The following PARD3B variants were observed in gnomAD, a reference collection of about 807,000 sequenced individuals.
The protein encoded by PARD3B is par-3 family cell polarity regulator beta.
A neutral mutation model predicts 130.2 loss-of-function variants in PARD3B; 103 were observed. The ratio of observed to expected loss-of-function variants is 0.79; its 90% CI spans 0.67 to 0.93. The LOEUF (loss-of-function observed/expected upper bound fraction) is 0.93. PARD3B is among the 40% of genes least tolerant of loss of function. PARD3B has a pLI of 0.00. For missense variants in PARD3B, 1,609 were observed against 1,499.2 expected, an observed-to-expected ratio of 1.07 and a Z score of -1.21; for synonymous variants, 583 against 553.2, an observed-to-expected ratio of 1.05 and a Z score of -0.76.
At chr2:205,344,069 T>C (rs766532443) in intron 18 of PARD3B, among the ~76,000 whole-genome samples, 2 of 152,076 alleles carry the variant, frequency 1.3e-5, no homozygotes, top group Non-Finnish European at 2.9e-5. Flanking sequence ...CTTAAGAAAT[T>C]AGAGCTTCCA....
intron 20 of PARD3B, among the ~76,000 whole-genome samples, chr2:205,442,104 C>T (rs1422893808): frequency 1.3e-5 from 2 of 152,126 alleles, no homozygotes; most frequent in Non-Finnish European, 2.9e-5. Context: ...TAACAATCCT[C>T]TCTGCGTATT....
intron 10 of PARD3B, among the ~76,000 whole-genome samples, chr2:205,132,022 G>A (rs576356188): frequency 6.6e-6 from 1 of 152,136 alleles, no homozygotes; most frequent in African/African-American, 2.4e-5. Context: ...TGTAACACAG[G>A]GACTAGACTA....
In PARD3B at chr2:205,300,077, C is replaced by T. The variant is rs2041940688; in HGVS notation, c.2186-453C>T. ...GCTGTCAGGTGTGGGAGTGCTAGGA[C>T]GATACTGGAAGAGAAGCTCTCGTCA... is the stretch of plus-strand genomic sequence containing the variant. On this transcript the variant is annotated intron_variant, in intron 16 of 22. Transcript: ENST00000406610. This position sits in a 1 kb window ranked among gnomAD's most constrained non-coding sequence, Gnocchi z 4.1. Among the ~76,000 whole-genome samples, 1 of 152,066 alleles carries T rather than the reference C, an allele frequency of 6.6e-6. No individual in the cohort carries two copies. Among genetic ancestry groups the T allele is most frequent in the African/African-American group, 2.4e-5 (1 of 41,402 alleles).
chr2:204,796,274 C>T (rs2042373225), intron 2 of PARD3B, among the ~76,000 whole-genome samples: 1 of 152,148 alleles, frequency 6.6e-6, no homozygotes, highest in Admixed American at 6.6e-5. Flanking sequence ...TGGTATTTCA[C>T]AGGGAGCAAT....
chr2:205,136,275 A>C (rs1051599475), intron 10 of PARD3B, among the ~76,000 whole-genome samples: 2 of 151,928 alleles, frequency 1.3e-5, no homozygotes, highest in Non-Finnish European at 2.9e-5. Context: ...CTCCCATCGT[A>C]CCTTTCTGGA....
At chr2:205,264,526 C>T (rs548867000) in intron 16 of PARD3B, among the ~76,000 whole-genome samples, 2 of 150,944 alleles carry the variant, frequency 1.3e-5, no homozygotes, top group Non-Finnish European at 3.0e-5. Flanking sequence ...GGATCTTAAA[C>T]AGAAAAATGA....
intron 1 of PARD3B, among the ~76,000 whole-genome samples, chr2:204,554,060 A>C (rs1353447446): frequency 6.6e-6 from 1 of 152,108 alleles, no homozygotes; most frequent in Non-Finnish European, 1.5e-5. Context: ...TTTTAAAAAT[A>C]CTAAACATCT....
rs1229453839 is a variant in PARD3B, at chr2:205,310,702, C to CCTTT, written c.2630+9018_2630+9021dup. On this transcript the variant is annotated intron_variant, in intron 18 of 22. Coordinates refer to ENST00000406610, the MANE Select transcript of PARD3B (RefSeq NM_001302769.2). ...TTTAATGGCTGAAATAGTATTTCTT[C>CCTTT]CTTTCTTTCTTTCTTTCTTTTTTTT... 7.0e-5 allele frequency among the ~76,000 whole-genome samples: 10 copies of CCTTT among 143,866 alleles called. No homozygotes were observed. The East Asian group carries it at 1.6e-3, about 23-fold the overall frequency. 94.4% of individuals were successfully genotyped at this position (143,866 alleles called of 152,430 possible). A position where few individuals can be genotyped will look rare whatever the true frequency, so the allele number is the denominator to read the frequency against.
At chr2:205,567,670 T>C (rs1456372623) in intron 22 of PARD3B, among the ~76,000 whole-genome samples, 1 of 151,282 alleles carries the variant, frequency 6.6e-6, no homozygotes, top group Non-Finnish European at 1.5e-5. Context: ...TAGTGGACAT[T>C]CTCATAATTT....
intron 3 of PARD3B, among the ~76,000 whole-genome samples, chr2:205,001,298 C>G (rs1197995706): frequency 6.6e-6 from 1 of 152,196 alleles, no homozygotes; most frequent in Non-Finnish European, 1.5e-5. Flanking sequence ...CTGCAATGCT[C>G]TTTCAGTGGA....
intron 2 of PARD3B, among the ~76,000 whole-genome samples, chr2:204,821,949 C>A (rs982354650): frequency 6.6e-6 from 1 of 152,170 alleles, no homozygotes; most frequent in Non-Finnish European, 1.5e-5. Flanking sequence ...ATCTATTCTG[C>A]AGTCCATGGA....
intron 3 of PARD3B, among the ~76,000 whole-genome samples, chr2:205,013,420 T>C (rs1246490630): frequency 6.6e-6 from 1 of 152,168 alleles, no homozygotes; most frequent in Non-Finnish European, 1.5e-5. Context: ...TGGTATAATT[T>C]TCAGAAGCAG....
intron 18 of PARD3B, among the ~76,000 whole-genome samples, chr2:205,386,182 G>T (rs2045654590): frequency 6.6e-6 from 1 of 152,166 alleles, no homozygotes; most frequent in Non-Finnish European, 1.5e-5. Flanking sequence ...AACAAAACTG[G>T]CATTGAGCTG....
intron 1 of PARD3B, among the ~76,000 whole-genome samples, chr2:204,564,215 C>G (rs2031532656): frequency 6.6e-6 from 1 of 152,148 alleles, no homozygotes; most frequent in African/African-American, 2.4e-5. Flanking sequence ...TAGCTCAGTT[C>G]CTTTCCTTCG....
At chr2:204,685,599 G>A (rs2037036611) in intron 1 of PARD3B, among the ~76,000 whole-genome samples, 1 of 152,194 alleles carries the variant, frequency 6.6e-6, no homozygotes, top group South Asian at 2.1e-4. Context: ...TTGAGTTGCT[G>A]CCATGCTGCA....
At chr2:204,983,426 A>C in intron 3 of PARD3B, among the ~76,000 whole-genome samples, 1 of 139,222 alleles carries the variant, frequency 7.2e-6, no homozygotes, top group East Asian at 2.5e-4. Flanking sequence ...GGAAGGGGGG[A>C]GGAGAGAAGT....
chr2:205,387,861 C>T lies in PARD3B; in HGVS notation c.2631-13152C>T, dbSNP rs150563348. On this transcript the variant is annotated intron_variant, in intron 18 of 22. Transcript: ENST00000406610. Reference sequence around the variant, plus strand: ...TGAGTGACGCTGCTGGTGTTCCCTGCACCTTCCAGAGCCGTTCAGAAACAC... The same window carrying T: ...TGAGTGACGCTGCTGGTGTTCCCTGTACCTTCCAGAGCCGTTCAGAAACAC... Among the ~76,000 whole-genome samples, 731 of 152,274 alleles carry T rather than the reference C, an allele frequency of 4.8e-3. 6 individuals are homozygous for T. Among genetic ancestry groups the T allele is most frequent in the African/African-American group, 0.015 (637 of 41,550 alleles).
intron 3 of PARD3B, among the ~76,000 whole-genome samples, chr2:205,020,241 A>G (rs530346165): frequency 7.6e-4 from 115 of 152,270 alleles, no homozygotes; most frequent in Non-Finnish European, 1.4e-3. Context: ...GGACGATGTT[A>G]ACATCCTTTT....
At chr2:205,414,266 C>A (rs1384812955) in intron 19 of PARD3B, among the ~76,000 whole-genome samples, 2 of 152,152 alleles carry the variant, frequency 1.3e-5, no homozygotes, top group Admixed American at 1.3e-4. Context: ...TATTCTCCTG[C>A]AATTACATGT....
Sources: allele counts gnomAD v4.1 joint callset (sites outside exome capture counted in the v4.1 genomes callset), GRCh38; gene constraint gnomAD v4.1.1; non-coding constraint Gnocchi (gnomAD v3.1); transcripts MANE v1.5; gene names NCBI Gene and HGNC (gene_info 2026-07-23, HGNC 2026-07-21).